Variants in PXT1 observed in about 807,000 individuals in gnomAD.
The protein encoded by PXT1 is peroxisomal testis-specific protein 1.
PXT1 carries 11 observed loss-of-function variants against 11.0 expected under a neutral mutation model. That is an observed-to-expected ratio of 1.00 (90% confidence interval 0.63 to 1.66). The LOEUF (loss-of-function observed/expected upper bound fraction) is 1.66, where lower values mean the gene tolerates loss of function less well. Ranked by LOEUF, PXT1 falls within the 40% of genes most tolerant of loss-of-function variation. PXT1 has a pLI of 0.00. For missense variants in PXT1, 141 were observed against 155.5 expected (o/e 0.91, Z 0.49); for synonymous variants, 43 against 51.4 (o/e 0.84, Z 0.70).
At chr6:36,403,394 G>A (rs1358047029) in intron 3 of PXT1, among the ~76,000 whole-genome samples, 1 of 152,156 alleles carries the variant, frequency 6.6e-6, no homozygotes, top group East Asian at 1.9e-4. Context: ...TTAAGAAACA[G>A]AATAGGCTGG....
intron 3 of PXT1, among the ~76,000 whole-genome samples, chr6:36,415,540 GGAT>G (rs2127414211): frequency 6.6e-6 from 1 of 152,234 alleles, no homozygotes; most frequent in South Asian, 2.1e-4. Context: ...CTTGTAGTGG[GGAT>G]GAATGGAAAT....
chr6:36,414,747 C>T (rs1774425252), intron 3 of PXT1, among the ~76,000 whole-genome samples: 1 of 152,204 alleles, frequency 6.6e-6, no homozygotes, highest in Non-Finnish European at 1.5e-5. Context: ...GTCTTGGCCT[C>T]TCCACATTCT....
At chr6:36,428,337 C>T (rs957907045) in intron 2 of PXT1, among the ~76,000 whole-genome samples, 4 of 147,414 alleles carry the variant, frequency 2.7e-5, no homozygotes, top group African/African-American at 7.6e-5. Flanking sequence ...CCCAGCTACT[C>T]GGGAGGCTGA....
chr6:36,428,779 T>C (rs2127417266), intron 2 of PXT1, among the ~76,000 whole-genome samples: 1 of 151,950 alleles, frequency 6.6e-6, no homozygotes, highest in South Asian at 2.1e-4. Context: ...TCTCTCGCTC[T>C]ATCACCCAGG....
At chr6:36,402,187 C>T (rs902972945) in intron 3 of PXT1, among the ~76,000 whole-genome samples, 3 of 152,140 alleles carry the variant, frequency 2.0e-5, no homozygotes, top group South Asian at 2.1e-4. Context: ...AACCAATGAG[C>T]GTTTTTAAGC....
Position 36,391,682 on chromosome 6 carries a change from G to T in PXT1, c.*88C>A. On this transcript the variant is annotated 3_prime_UTR_variant, in exon 5 of 5. Coordinates refer to ENST00000454782, the MANE Select transcript of PXT1 (RefSeq NM_152990.4). ...TACAAAAAGAGGGAGACGGAGAAGG[G>T]TGTTCTTCCCATCTGTCCCAGTGGG... 3 of 882,038 alleles carry T rather than the reference G, an allele frequency of 3.4e-6. No homozygotes were observed. The highest frequency in any genetic ancestry group is 3.8e-6 in the Non-Finnish European group (2 of 522,028). The allele number at this position is 882,038 out of a possible 1,614,324, so 54.6% of individuals were successfully genotyped here.
intron 3 of PXT1, among the ~76,000 whole-genome samples, chr6:36,418,011 A>G (rs1477536323): frequency 6.6e-6 from 1 of 151,430 alleles, no homozygotes; most frequent in Non-Finnish European, 1.5e-5. Flanking sequence ...CCTGGCTAAC[A>G]TGGTAAAACC....
chr6:36,406,812 A>C (rs1206359403), intron 3 of PXT1, among the ~76,000 whole-genome samples: 1 of 10,850 alleles, frequency 9.2e-5, no homozygotes, highest in Non-Finnish European at 3.5e-4. Flanking sequence ...CTCCATTTCA[A>C]AAAAAAAAAA....
At chr6:36,410,818 A>G in intron 3 of PXT1, among the ~76,000 whole-genome samples, 1 of 152,142 alleles carries the variant, frequency 6.6e-6, no homozygotes, top group African/African-American at 2.4e-5. Flanking sequence ...CCTCCTATGC[A>G]CCATCTGAGT....
intron 3 of PXT1, among the ~76,000 whole-genome samples, chr6:36,412,360 A>G (rs1177632219): frequency 6.7e-6 from 1 of 149,078 alleles, no homozygotes; most frequent in East Asian, 2.0e-4. Flanking sequence ...TCAAAAATAA[A>G]AACAAAAATA....
At position 36,391,067 on chromosome 6, in the gene PXT1, G is replaced by GT. The variant is rs1331299217; in HGVS notation, c.*702dup. The GT allele has an allele frequency of 6.6e-6, 1 of 152,576 alleles. No individual in the cohort carries two copies. Among genetic ancestry groups the GT allele is most frequent in the African/African-American group, 2.4e-5 (1 of 41,450 alleles). The allele number at this position is 152,576 out of a possible 1,614,324, so 9.5% of individuals were successfully genotyped here. On this transcript the variant is annotated 3_prime_UTR_variant, in exon 5 of 5. Coordinates refer to ENST00000454782, the MANE Select transcript of PXT1 (RefSeq NM_152990.4). ...AAGACTTGAAGGGGGTCACAGAGGA[G>GT]TGAGGGGATCAAAGGTGAGAAAAGA...
At chr6:36,408,244 GA>G (rs111654791) in intron 3 of PXT1, among the ~76,000 whole-genome samples, 8,886 of 149,494 alleles carry the variant, frequency 0.059, 601 homozygotes, top group Admixed American at 0.17. Context: ...TTACACATGT[GA>G]GCCACCACGC....
At chr6:36,395,880 G>T (rs566863488) in intron 4 of PXT1, among the ~76,000 whole-genome samples, 1 of 152,060 alleles carries the variant, frequency 6.6e-6, no homozygotes, top group African/African-American at 2.4e-5. Flanking sequence ...GTGGGCAACT[G>T]TGGTCCCAGC....
rs140137385 is a variant in PXT1 at position 36,403,652 on chromosome 6, T to C, written c.170-3068A>G. ...ACTTCGGGAGGCCAAGGCAGGCAGA[T>C]TGCCTGAGCTCAGGAGACCACTCTG... On this transcript the variant is annotated intron_variant, in intron 3 of 4. Coordinates refer to ENST00000454782, the MANE Select transcript of PXT1 (RefSeq NM_152990.4). Among the ~76,000 whole-genome samples the C allele has an allele frequency of 5.1e-4, 78 of 152,270 alleles. 2 individuals carry two copies. The East Asian group carries it at 0.015, about 29-fold the overall frequency.
intron 2 of PXT1, among the ~76,000 whole-genome samples, chr6:36,435,973 A>G (rs540541990): frequency 6.6e-6 from 1 of 152,304 alleles, no homozygotes; most frequent in African/African-American, 2.4e-5. Flanking sequence ...GGAGTAAGTC[A>G]ACAGAGATGA....
intron 2 of PXT1, among the ~76,000 whole-genome samples, chr6:36,436,772 A>T (rs1225356243): frequency 1.3e-5 from 2 of 152,244 alleles, no homozygotes; most frequent in Admixed American, 1.3e-4. Flanking sequence ...GAAAAATGCC[A>T]TGTAAGTAAA....
Position 36,391,723 on chromosome 6 carries a change from A to T in PXT1, c.*47T>A. On this transcript the variant is annotated 3_prime_UTR_variant, in exon 5 of 5. Transcript: ENST00000454782. ...TCCCAGTGGGATTCATGTTTCTCAG[A>T]GGGTAAAAAGAAAACAGAACTTGAC... The T allele has an allele frequency of 1.6e-6, 2 of 1,232,246 alleles. No homozygotes were observed. The highest frequency in any genetic ancestry group is 2.4e-6 in the Non-Finnish European group (2 of 833,736). The allele number at this position is 1,232,246 out of a possible 1,614,324, so 76.3% of individuals were successfully genotyped here. A position where few individuals can be genotyped will look rare whatever the true frequency, so the allele number is the denominator to read the frequency against.
chr6:36,403,112 G>A (rs1774238131), intron 3 of PXT1, among the ~76,000 whole-genome samples: 1 of 152,066 alleles, frequency 6.6e-6, no homozygotes, highest in Non-Finnish European at 1.5e-5. Context: ...TGCCCACTTC[G>A]GCCTCCCAAA....
In PXT1 at chr6:36,426,006, C is replaced by T; in HGVS notation, c.77G>A (p.Cys26Tyr). 1 of 1,530,718 alleles carries T rather than the reference C, an allele frequency of 6.5e-7. No homozygotes were observed. The allele number at this position is 1,530,718 out of a possible 1,614,324, so 94.8% of individuals were successfully genotyped here. A position where few individuals can be genotyped will look rare whatever the true frequency, so the allele number is the denominator to read the frequency against. The change falls in exon 3 of 5, where the codon TGC becomes TAC. Residue 26 changes from cysteine (C) to tyrosine (Y), a missense_variant. Cys to Tyr is a radical substitution (Grantham distance 194). Coordinates refer to ENST00000454782, the MANE Select transcript of PXT1 (RefSeq NM_152990.4). ...LNPSPKVTHC[C>Y]KSLWLKYSFQ... ...ACTGTATTTTAACCACAGTGATTTG[C>T]AACAATGTGTTACTTTGGGAGATGG...
Sources: allele counts gnomAD v4.1 joint callset (sites outside exome capture counted in the v4.1 genomes callset), GRCh38; gene constraint gnomAD v4.1.1; transcripts MANE v1.5; gene names NCBI Gene and HGNC (gene_info 2026-07-23, HGNC 2026-07-21).